The following TCF4 variants were observed in gnomAD, a reference collection of about 807,000 sequenced individuals.
TCF4 encodes transcription factor 4.
In TCF4, 3 loss-of-function variants were observed where a neutral mutation model predicts 82.1. The ratio of observed to expected loss-of-function variants is 0.04; its 90% confidence interval spans 0.02 to 0.09. The LOEUF is 0.09. Ranked by LOEUF, TCF4 falls within the 10% of genes least tolerant of loss-of-function variation. The pLI is 1.00. For synonymous variants in TCF4, 276 were observed against 309.6 expected (o/e 0.89, Z 1.14); for missense variants, 518 against 852.7 (o/e 0.61, Z 4.89).
rs781150808 is a variant in TCF4 at position 55,293,931 on chromosome 18, C to CTTTTTTTTTTTTTTTTTTTTTTTTTTTT, written c.550-14303_550-14276dup. On this transcript the variant is annotated intron_variant, in intron 8 of 19. Transcript: ENST00000354452. ...TTTCATCTTCTAAACTTTCCAAGGA[C>CTTTTTTTTTTTTTTTTTTTTTTTTTTTT]TTTTTTTTTTTTTTTTTTTTTTTTT... Among the ~76,000 whole-genome samples the CTTTTTTTTTTTTTTTTTTTTTTTTTTTT allele has an allele frequency of 2.0e-4, 8 of 40,032 alleles. 3 individuals are homozygous for CTTTTTTTTTTTTTTTTTTTTTTTTTTTT. The highest frequency in any genetic ancestry group is 3.1e-4 in the Non-Finnish European group (6 of 19,608). The allele number at this position is 40,032 out of a possible 152,430, so 26.3% of individuals were successfully genotyped here.
At chr18:55,629,360 T>C (rs1419491352) in intron 2 of TCF4, among the ~76,000 whole-genome samples, 1 of 152,174 alleles carries the variant, frequency 6.6e-6, no homozygotes, top group African/African-American at 2.4e-5. Flanking sequence ...ATCTGGATGG[T>C]GATGACGAAT....
intron 3 of TCF4, among the ~76,000 whole-genome samples, chr18:55,480,296 A>AAAAAGGGGG (rs1568175293): frequency 1.6e-5 from 1 of 63,356 alleles, no homozygotes; most frequent in Non-Finnish European, 3.0e-5. Context: ...AAAAAAAAAA[A>AAAAAGGGGG]GCGGGGGGGC....
intron 3 of TCF4, chr18:55,495,666 A>T (rs774738635): frequency 2.6e-5 from 4 of 152,184 alleles, no homozygotes; most frequent in Non-Finnish European, 4.4e-5. Flanking sequence ...ATTAGTTTCA[A>T]TATCAACACA....
chr18:55,488,998 T>C (rs2924333), intron 3 of TCF4, among the ~76,000 whole-genome samples: 58,855 of 152,026 alleles, frequency 0.39, 11,922 homozygotes, highest in South Asian at 0.48. Flanking sequence ...GTTCATTCTC[T>C]AAAGTTCATA....
At chr18:55,571,137 C>G (rs964684753) in intron 3 of TCF4, among the ~76,000 whole-genome samples, 1 of 152,010 alleles carries the variant, frequency 6.6e-6, no homozygotes, top group Admixed American at 6.5e-5. Context: ...GAGAAACATA[C>G]AAGAAAGTTT....
At position 55,495,311 on chromosome 18, in the gene TCF4, A is replaced by G. The variant is rs929139247; in HGVS notation, c.146-31174T>C. Among the ~76,000 whole-genome samples the G allele has an allele frequency of 8.0e-4, 104 of 129,398 alleles. 1 individual carries two copies. Among genetic ancestry groups the G allele is most frequent in the Non-Finnish European group, 1.4e-3 (80 of 56,272 alleles). 84.9% of individuals were successfully genotyped at this position (129,398 alleles called of 152,430 possible). A position where few individuals can be genotyped will look rare whatever the true frequency, so the allele number is the denominator to read the frequency against. ...TGGAGAATATAAGAAGGTATTTGGG[A>G]AAAAAAAAAAAAAAGAAGGTATTTG... On this transcript the variant is annotated intron_variant, in intron 3 of 19. Coordinates refer to ENST00000354452, the MANE Select transcript of TCF4 (RefSeq NM_001083962.2).
intron 3 of TCF4, among the ~76,000 whole-genome samples, chr18:55,541,651 T>G (rs1344563424): frequency 6.6e-6 from 1 of 152,024 alleles, no homozygotes; most frequent in Non-Finnish European, 1.5e-5. Context: ...AAGACAATCT[T>G]ATCTACCAGA....
intron 8 of TCF4, among the ~76,000 whole-genome samples, chr18:55,297,125 C>T (rs1253758798): frequency 7.0e-6 from 1 of 142,274 alleles, no homozygotes; most frequent in Non-Finnish European, 1.5e-5. Context: ...GTCCAGAAAG[C>T]CTGTTGAGTC....
At chr18:55,507,403 C>G (rs182595357) in intron 3 of TCF4, among the ~76,000 whole-genome samples, 1 of 152,006 alleles carries the variant, frequency 6.6e-6, no homozygotes. Context: ...ATTCATGTCC[C>G]GGATGAGATG....
At position 55,228,931 on chromosome 18, in the gene TCF4, G is replaced by A. The variant is rs1435782818; in HGVS notation, c.1795C>T (p.Leu599Phe). 1 of 1,614,030 alleles carries A rather than the reference G, an allele frequency of 6.2e-7. No individual in the cohort carries two copies. Among genetic ancestry groups the A allele is most frequent in the Non-Finnish European group, 8.5e-7 (1 of 1,180,018 alleles). Residue 599 changes from leucine (L) to phenylalanine (F), a missense_variant, in exon 18 of 20, where the codon CTC becomes TTC. Transcript: ENST00000354452. ...TTGGTCTGGGGCTTGTCACTCTTGA[G>A]GTGGAGCTGCACCATGCGGCCGAGC... ...KELGRMVQLH[L>F]KSDKPQTKLL...
At chr18:55,601,758 T>C (rs2097697271) in intron 2 of TCF4, among the ~76,000 whole-genome samples, 2 of 152,152 alleles carry the variant, frequency 1.3e-5, no homozygotes, top group African/African-American at 4.8e-5. Flanking sequence ...CACTCCAGTC[T>C]GGGCCATCAG....
intron 3 of TCF4, among the ~76,000 whole-genome samples, chr18:55,493,880 A>T (rs1360585966): frequency 6.6e-6 from 1 of 152,062 alleles, no homozygotes; most frequent in African/African-American, 2.4e-5. Context: ...CAGGTCAAAG[A>T]TCCTGCACCT....
chr18:55,267,932 C>T (rs1308844759), intron 11 of TCF4: 1 of 152,070 alleles, frequency 6.6e-6, no homozygotes, highest in East Asian at 1.9e-4. Context: ...TCACCTATTG[C>T]TCCACTCTGG....
chr18:55,262,956 G>A (rs1485433444), intron 11 of TCF4, among the ~76,000 whole-genome samples: 2 of 151,952 alleles, frequency 1.3e-5, no homozygotes, highest in East Asian at 1.9e-4. Context: ...ACAGGCACAC[G>A]CCACCACGCC....
intron 3 of TCF4, among the ~76,000 whole-genome samples, chr18:55,476,150 G>C (rs1222000528): frequency 1.3e-5 from 2 of 151,004 alleles, no homozygotes; most frequent in African/African-American, 4.9e-5. Context: ...GAAAAATTTA[G>C]TGTGGTTTCC....
At chr18:55,533,027 CAT>C (rs1320218038) in intron 3 of TCF4, among the ~76,000 whole-genome samples, 1 of 152,292 alleles carries the variant, frequency 6.6e-6, no homozygotes, top group African/African-American at 2.4e-5. Flanking sequence ...TTCTGCTCCC[CAT>C]ATGTTTCCAT....
chr18:55,503,270 C>A (rs541709047), intron 3 of TCF4, among the ~76,000 whole-genome samples: 2 of 152,130 alleles, frequency 1.3e-5, no homozygotes, highest in South Asian at 4.1e-4. Flanking sequence ...TCATGCATTC[C>A]TGAAAATTCG....
intron 3 of TCF4, among the ~76,000 whole-genome samples, chr18:55,526,951 T>C (rs2096991388): frequency 6.6e-6 from 1 of 152,170 alleles, no homozygotes; most frequent in African/African-American, 2.4e-5. Flanking sequence ...TCAAAACTCC[T>C]GGTCCAGGCT....
intron 2 of TCF4, among the ~76,000 whole-genome samples, chr18:55,627,370 A>G (rs1055383955): frequency 6.6e-6 from 1 of 152,190 alleles, no homozygotes; most frequent in African/African-American, 2.4e-5. Flanking sequence ...CAATATATAC[A>G]TACATGAAAA....
Sources: gnomAD v4.1 joint callset for allele counts (sites outside exome capture counted in the v4.1 genomes callset) on GRCh38, gnomAD v4.1.1 for gene constraint, MANE v1.5 for transcripts, NCBI Gene and HGNC (gene_info 2026-07-23, HGNC 2026-07-21) for gene names.